Variants in DOCK7 observed in about 807,000 individuals in gnomAD.
DOCK7 encodes the protein dedicator of cytokinesis protein 7.
DOCK7 carries 138 observed loss-of-function variants against 271.0 expected under a neutral mutation model. That is an observed-to-expected ratio of 0.51 (90% CI 0.44 to 0.59). The LOEUF (loss-of-function observed/expected upper bound fraction) is 0.59, where lower values mean the gene tolerates loss of function less well. Ranked by LOEUF, DOCK7 falls within the 20% of genes least tolerant of loss-of-function variation. The probability of loss-of-function intolerance (pLI) is 0.00; values close to 1 mark genes in which losing one functional copy is unlikely to be tolerated. For missense variants in DOCK7, 2,066 were observed against 2,592.4 expected, an observed-to-expected ratio of 0.80 and a Z score of 4.41; for synonymous variants, 823 against 876.1, an observed-to-expected ratio of 0.94 and a Z score of 1.07.
chr1:62,577,017 T>C (rs1487113077), intron 18 of DOCK7, among the ~76,000 whole-genome samples: 1 of 152,202 alleles, frequency 6.6e-6, no homozygotes, highest in Non-Finnish European at 1.5e-5. Flanking sequence ...ACATTCCATG[T>C]ATTATTTTGG....
chr1:62,503,322 A>G (rs918913890), intron 37 of DOCK7, among the ~76,000 whole-genome samples: 26 of 152,228 alleles, frequency 1.7e-4, no homozygotes, highest in African/African-American at 6.0e-4. Flanking sequence ...TTTGTAGAAC[A>G]CTCATAAAAA....
Position 62,663,088 on chromosome 1 carries a change from A to G in DOCK7, c.81T>C (p.Tyr27=), listed in dbSNP as rs1381688839. The change falls in exon 2 of 50, where the codon TAT becomes TAC. Residue 27 remains tyrosine, a synonymous_variant. Transcript: ENST00000635253. ...AEVRKQISGQ[Y]SGSPQLLKNL... ...TTTTGAGCAGTTGGGGAGAACCACT[A>G]TATTGTCCGGAGATCTGCTTCCTAA... The G allele has an allele frequency of 1.2e-6, 2 of 1,613,570 alleles. No individual in the cohort carries two copies. The highest frequency in any genetic ancestry group is 1.7e-6 in the Non-Finnish European group (2 of 1,179,836).
At chr1:62,578,737 AAAC>A in intron 17 of DOCK7, 88 bp downstream of exon 17, 1 of 1,050,554 alleles carries the variant, frequency 9.5e-7, no homozygotes, top group Non-Finnish European at 1.3e-6. Flanking sequence ...AAAAAAAAAA[AAAC>A]CCACAAATGA....
chr1:62,644,982 A>G (rs1402928779), intron 7 of DOCK7, among the ~76,000 whole-genome samples: 1 of 152,196 alleles, frequency 6.6e-6, no homozygotes. Context: ...GAAGATCATA[A>G]GTAAAGCTAC....
In DOCK7 at chr1:62,495,702, A is replaced by G. The variant is rs1571293661; in HGVS notation, c.4924-21T>C. ...TGGACCTGCAGCAGAGAATTATATG[A>G]AAAACATTCTTGAATTGTCATTCAT... On this transcript the variant is annotated intron_variant, in intron 38 of 49. Coordinates refer to ENST00000635253, the MANE Select transcript of DOCK7 (RefSeq NM_001367561.1). The G allele has an allele frequency of 3.9e-6, 6 of 1,544,998 alleles. No homozygotes were observed. In the East Asian group the frequency reaches 1.4e-4, roughly 35 times the overall value.
At chr1:62,499,713 G>GA (rs879334162) in intron 37 of DOCK7, among the ~76,000 whole-genome samples, 31 of 146,642 alleles carry the variant, frequency 2.1e-4, no homozygotes, top group African/African-American at 6.2e-4. Flanking sequence ...GTTTCTACAA[G>GA]AAAAAAAAAA....
At chr1:62,642,441 T>A (rs1228397131) in intron 7 of DOCK7, among the ~76,000 whole-genome samples, 1 of 152,208 alleles carries the variant, frequency 6.6e-6, no homozygotes, top group Non-Finnish European at 1.5e-5. Flanking sequence ...ATTCTTGACT[T>A]CTTTCTCTTG....
At chr1:62,632,266 C>T (rs965702024) in intron 10 of DOCK7, among the ~76,000 whole-genome samples, 3 of 152,144 alleles carry the variant, frequency 2.0e-5, no homozygotes, top group African/African-American at 7.2e-5. Context: ...TTCAAGTATA[C>T]TTAATTCTAT....
rs912456551 is a variant in DOCK7 at position 62,499,390 on chromosome 1, C to A, written c.4765-2893G>T. Among the ~76,000 whole-genome samples, 5 of 152,230 alleles carry A rather than the reference C, an allele frequency of 3.3e-5. No individual in the cohort carries two copies. The East Asian group carries it at 5.8e-4, about 18-fold the overall frequency. On this transcript the variant is annotated intron_variant, in intron 37 of 49. Coordinates refer to ENST00000635253, the MANE Select transcript of DOCK7 (RefSeq NM_001367561.1). ...ATAAAAGATGGGGGAATAGAAAAAA[C>A]CCCACAAACTCTATCTTTATCAAAA...
chr1:62,587,477 A>AT (rs1647736429), intron 14 of DOCK7, among the ~76,000 whole-genome samples: 1 of 152,122 alleles, frequency 6.6e-6, no homozygotes. Flanking sequence ...TTAAATGAAC[A>AT]TAACACTTTG....
chr1:62,467,878 C>A (rs1645722301), intron 48 of DOCK7, among the ~76,000 whole-genome samples: 1 of 152,192 alleles, frequency 6.6e-6, no homozygotes, highest in Non-Finnish European at 1.5e-5. Context: ...CTAACCAAAT[C>A]CAACAGCATA....
intron 29 of DOCK7, among the ~76,000 whole-genome samples, chr1:62,533,944 A>C (rs923315315): frequency 3.1e-4 from 47 of 152,088 alleles, no homozygotes; most frequent in African/African-American, 1.1e-3. Context: ...CAAATGAGTT[A>C]TGGTCATACT....
intron 14 of DOCK7, among the ~76,000 whole-genome samples, chr1:62,612,224 G>C (rs1557801313): frequency 6.6e-6 from 1 of 152,114 alleles, no homozygotes; most frequent in Non-Finnish European, 1.5e-5. Flanking sequence ...TGAAATGATA[G>C]GATGTCTAGG....
intron 34 of DOCK7, among the ~76,000 whole-genome samples, chr1:62,509,680 T>C (rs897296465): frequency 1.3e-5 from 2 of 152,186 alleles, no homozygotes; most frequent in Non-Finnish European, 2.9e-5. Context: ...TTACATTCAA[T>C]ATCTGATTAT....
intron 12 of DOCK7, among the ~76,000 whole-genome samples, chr1:62,623,979 T>A (rs775080332): frequency 4.6e-5 from 7 of 152,174 alleles, no homozygotes; most frequent in Non-Finnish European, 8.8e-5. Context: ...GATTTCCTCT[T>A]CTTACTCAGA....
In DOCK7 at chr1:62,647,703, C is replaced by T; in HGVS notation, c.806G>A (p.Cys269Tyr). The T allele has an allele frequency of 6.2e-7, 1 of 1,603,476 alleles. No individual in the cohort carries two copies. Among genetic ancestry groups the T allele is most frequent in the Non-Finnish European group, 8.5e-7 (1 of 1,175,116 alleles). ...AATAAATACTCACTTGAGTGATAAG[C>T]ATTTTACAAGAAGTCTTTGACCAAA... ...EHFGQRLLVK[C>Y]LSLKFEIEIE... Residue 269 changes from cysteine to tyrosine, a missense_variant, in exon 7 of 50, where the codon TGC (cysteine) becomes TAC (tyrosine). Coordinates refer to ENST00000635253, the MANE Select transcript of DOCK7 (RefSeq NM_001367561.1).
At chr1:62,542,559 T>C in intron 25 of DOCK7, 49 bp downstream of exon 25, 1 of 1,540,144 alleles carries the variant, frequency 6.5e-7, no homozygotes, top group South Asian at 1.2e-5. Context: ...AGCATAAAAT[T>C]GTTCACTAAG....
chr1:62,551,090 G>A (rs1452269743), intron 22 of DOCK7, among the ~76,000 whole-genome samples: 3 of 152,078 alleles, frequency 2.0e-5, no homozygotes, highest in Non-Finnish European at 4.4e-5. Flanking sequence ...AACATTAAGG[G>A]GGTGAGACAC....
intron 14 of DOCK7, chr1:62,608,351 T>C (rs1224712256): frequency 1.3e-5 from 2 of 152,168 alleles, no homozygotes; most frequent in African/African-American, 2.4e-5. Context: ...ATCAAAACGA[T>C]CTACTTTTAA....
Sources: allele counts gnomAD v4.1 joint callset (sites outside exome capture counted in the v4.1 genomes callset), GRCh38; gene constraint gnomAD v4.1.1; transcripts MANE v1.5; gene names NCBI Gene and HGNC (gene_info 2026-07-23, HGNC 2026-07-21).